Variants in ERO1B observed in about 807,000 individuals in gnomAD.
The protein encoded by ERO1B is endoplasmic reticulum oxidoreductase 1 beta, also known as ERO1-like protein beta.
ERO1B carries 49 observed loss-of-function variants against 75.3 expected under a neutral mutation model. The observed-to-expected ratio is 0.65, with a 90% CI of 0.52 to 0.83. The LOEUF (loss-of-function observed/expected upper bound fraction) is 0.83, where lower values mean the gene tolerates loss of function less well. Among genes scored for constraint, ERO1B ranks in the 40% least tolerant of loss-of-function variants. The pLI is 0.00. For synonymous variants in ERO1B, 191 were observed against 192.9 expected (o/e 0.99, Z 0.08); for missense variants, 512 against 560.1 (o/e 0.91, Z 0.87).
chr1:236,243,559 A>G (rs577869846), intron 5 of ERO1B, 64 bp from the exon 6 acceptor site: 11 of 1,005,860 alleles, frequency 1.1e-5, no homozygotes, highest in Non-Finnish European at 1.6e-5. Flanking sequence ...TTAATACTGT[A>G]TTCTAGTGTA....
At chr1:236,253,594 G>C in intron 2 of ERO1B, 89 bp from the exon 3 acceptor site, 1 of 812,668 alleles carries the variant, frequency 1.2e-6, no homozygotes, top group Non-Finnish European at 2.1e-6. Flanking sequence ...GTGACATGGT[G>C]GTGAATAAGA....
intron 2 of ERO1B, among the ~76,000 whole-genome samples, chr1:236,261,024 AAAT>A: frequency 6.6e-6 from 1 of 152,302 alleles, no homozygotes; most frequent in South Asian, 2.1e-4. Flanking sequence ...AAATCAATAA[AAAT>A]AATACACATT....
Position 236,215,694 on chromosome 1 carries a change from T to G in ERO1B, c.*2822A>C, listed in dbSNP as rs1029740402. ...AGTACACATAGATTTGTGTGTGTGTTTTTTTACCAAATAATTTCCACGATA... is the reference window on the plus strand; with the variant it reads ...AGTACACATAGATTTGTGTGTGTGTGTTTTTACCAAATAATTTCCACGATA... On this transcript the variant is annotated 3_prime_UTR_variant, in exon 16 of 16. Coordinates refer to ENST00000354619, the MANE Select transcript of ERO1B (RefSeq NM_019891.4). 5.3e-5 allele frequency: 8 copies of G among 151,934 alleles called. No individual in the cohort carries two copies. Among genetic ancestry groups the G allele is most frequent in the Non-Finnish European group, 1.0e-4 (7 of 67,990 alleles). The allele number at this position is 151,934 out of a possible 1,614,324, so 9.4% of individuals were successfully genotyped here.
At chr1:236,235,651 T>C (rs1664521307) in intron 8 of ERO1B, 138 bp downstream of exon 8, 1 of 717,548 alleles carries the variant, frequency 1.4e-6, no homozygotes, top group Admixed American at 3.0e-5. Context: ...GACTCGACTA[T>C]GAACTAATCT....
At chr1:236,281,516 C>T (rs1371385558) in intron 1 of ERO1B, 166 bp downstream of exon 1, 9 of 435,824 alleles carry the variant, frequency 2.1e-5, no homozygotes, top group Non-Finnish European at 3.1e-5. Flanking sequence ...AGATGTTTCC[C>T]GCACTGGACG....
intron 5 of ERO1B, among the ~76,000 whole-genome samples, chr1:236,249,198 G>A (rs967301492): frequency 2.6e-5 from 4 of 151,900 alleles, no homozygotes; most frequent in Non-Finnish European, 5.9e-5. Context: ...GCTAATTTTT[G>A]TATTTTTAGT....
At chr1:236,243,312 A>G (rs747101996) in intron 6 of ERO1B, 110 bp downstream of exon 6, 43 of 732,612 alleles carry the variant, frequency 5.9e-5, no homozygotes, top group Non-Finnish European at 9.0e-5. Context: ...AGGTCTACAT[A>G]GCAAAATCCA....
chr1:236,248,934 CTT>C (rs1448517360), intron 5 of ERO1B, among the ~76,000 whole-genome samples: 2 of 151,138 alleles, frequency 1.3e-5, no homozygotes, highest in African/African-American at 4.9e-5. Flanking sequence ...TGTTTATTAT[CTT>C]TTATTTTCCT....
At chr1:236,231,595 T>C (rs1664409122) in intron 9 of ERO1B, among the ~76,000 whole-genome samples, 2 of 151,554 alleles carry the variant, frequency 1.3e-5, no homozygotes, top group Non-Finnish European at 2.9e-5. Context: ...AGAATCAAAA[T>C]TGTTAATGCA....
intron 13 of ERO1B, among the ~76,000 whole-genome samples, chr1:236,223,878 T>G (rs1664217029): frequency 6.6e-6 from 1 of 152,150 alleles, no homozygotes; most frequent in South Asian, 2.1e-4. Flanking sequence ...CTTCCAACAC[T>G]AAAATATAGT....
intron 12 of ERO1B, among the ~76,000 whole-genome samples, 171 bp downstream of exon 12, chr1:236,226,098 A>G (rs1244422793): frequency 6.6e-6 from 1 of 152,210 alleles, no homozygotes; most frequent in Non-Finnish European, 1.5e-5. Context: ...ATGCTTTTTC[A>G]TCAACATTTT....
intron 1 of ERO1B, among the ~76,000 whole-genome samples, chr1:236,271,674 A>G (rs1319435847): frequency 1.3e-5 from 2 of 151,300 alleles, no homozygotes; most frequent in Non-Finnish European, 3.0e-5. Flanking sequence ...TATATATAAT[A>G]TATAATTAAA....
chr1:236,236,445 T>C, intron 6 of ERO1B, 47 bp from the exon 7 acceptor site: 2 of 1,604,648 alleles, frequency 1.2e-6, no homozygotes, highest in South Asian at 2.2e-5. Flanking sequence ...TCACCATTTA[T>C]CTAAGATTTA....
chr1:236,221,774 A>C (rs1664150220), intron 14 of ERO1B, 150 bp downstream of exon 14: 1 of 627,204 alleles, frequency 1.6e-6, no homozygotes. Flanking sequence ...CATATACTTT[A>C]ATTTTTTCAT....
chr1:236,269,240 T>C (rs2102965342), intron 2 of ERO1B, among the ~76,000 whole-genome samples: 1 of 152,268 alleles, frequency 6.6e-6, no homozygotes. Flanking sequence ...ATCTCAAAAA[T>C]AGTAAGAATA....
At chr1:236,271,739 T>TC (rs1665593779) in intron 1 of ERO1B, among the ~76,000 whole-genome samples, 1 of 151,998 alleles carries the variant, frequency 6.6e-6, no homozygotes, top group Non-Finnish European at 1.5e-5. Context: ...TACATCTACC[T>TC]CCCTCTCCCT....
At chr1:236,273,376 A>G (rs559038863) in intron 1 of ERO1B, among the ~76,000 whole-genome samples, 1 of 152,180 alleles carries the variant, frequency 6.6e-6, no homozygotes, top group Non-Finnish European at 1.5e-5. Context: ...ATAAATTTAT[A>G]TTGTTTTTAA....
At chr1:236,266,022 AC>A (rs1284015142) in intron 2 of ERO1B, among the ~76,000 whole-genome samples, 6 of 152,114 alleles carry the variant, frequency 3.9e-5, no homozygotes, top group African/African-American at 1.4e-4. Context: ...CTCCTACTTT[AC>A]TTTTCTCCAT....
At chr1:236,260,315 A>G (rs1011981821) in intron 2 of ERO1B, among the ~76,000 whole-genome samples, 1 of 152,208 alleles carries the variant, frequency 6.6e-6, no homozygotes, top group African/African-American at 2.4e-5. Context: ...GAAAATCTGA[A>G]TAGGCCAATA....
Sources: gnomAD v4.1 joint callset for allele counts (sites outside exome capture counted in the v4.1 genomes callset) on GRCh38, gnomAD v4.1.1 for gene constraint, MANE v1.5 for transcripts, NCBI Gene and HGNC (gene_info 2026-07-23, HGNC 2026-07-21) for gene names.